Variants in PHACTR2 observed in about 807,000 individuals in gnomAD.
The protein encoded by PHACTR2 is chromosome 6 open reading frame 56.
In PHACTR2, 30 loss-of-function variants were observed where a neutral mutation model predicts 76.0. The ratio of observed to expected loss-of-function variants is 0.39; its 90% CI spans 0.30 to 0.54. The LOEUF is 0.54. Among genes scored for constraint, PHACTR2 ranks in the 20% least tolerant of loss-of-function variants. The pLI is 0.61. For missense variants in PHACTR2, 696 were observed against 781.1 expected (o/e 0.89, Z 1.30); for synonymous variants, 292 against 292.5 (o/e 1.00, Z 0.02).
At chr6:143,703,156 TAAAAAAA>T (rs57738495) in intron 1 of PHACTR2, among the ~76,000 whole-genome samples, 1 of 91,152 alleles carries the variant, frequency 1.1e-5, no homozygotes, top group Admixed American at 1.3e-4. Flanking sequence ...AAAAAATTAC[TAAAAAAA>T]AAAAAAAAAA....
Position 143,764,334 on chromosome 6 carries a change from A to G in PHACTR2, c.695-927A>G, listed in dbSNP as rs1779505229. ...CAGGAGTTCAAGACCAGCCTGGGCA[A>G]CATGACAAAACCCTGTCTCAACAAA... On this transcript the variant is annotated intron_variant, in intron 5 of 12. Coordinates refer to ENST00000440869, the MANE Select transcript of PHACTR2 (RefSeq NM_001100164.2). This position sits in a 1 kb window ranked among gnomAD's most constrained non-coding sequence, Gnocchi z 4.7. Among the ~76,000 whole-genome samples the G allele has an allele frequency of 6.6e-6, 1 of 152,082 alleles. No homozygotes were observed. Among genetic ancestry groups the G allele is most frequent in the Non-Finnish European group, 1.5e-5 (1 of 68,000 alleles).
Position 143,754,454 on chromosome 6 carries a change from G to A in PHACTR2, c.454+542G>A, listed in dbSNP as rs1292088406. ...GCTCCCAGAGATGCCACGGACTGTGGTTGCTCTGCTGGCTGATTCCCACAG... is the reference window on the plus strand; with the variant it reads ...GCTCCCAGAGATGCCACGGACTGTGATTGCTCTGCTGGCTGATTCCCACAG... On this transcript the variant is annotated intron_variant, in intron 4 of 12. Transcript: ENST00000440869. The surrounding 1 kb of genome is among the most constrained non-coding windows in gnomAD (Gnocchi z 6.2). 6.6e-6 allele frequency among the ~76,000 whole-genome samples: 1 copy of A among 152,210 alleles called. No individual in the cohort carries two copies. The highest frequency in any genetic ancestry group is 1.9e-4 in the East Asian group (1 of 5,196).
At position 143,823,566 on chromosome 6, in the gene PHACTR2, A is replaced by G. The variant is rs960863208; in HGVS notation, c.1923-108A>G. The stretch of plus-strand genomic sequence containing the variant: ...TTGTAAACAGTAATTCAGTTGGGGG[A>G]TATCTGGGGTACCTTTTCATTGTAA... On this transcript the variant is annotated intron_variant, in intron 12 of 12. Transcript: ENST00000440869. This position sits in a 1 kb window ranked among gnomAD's most constrained non-coding sequence, Gnocchi z 5.7. 3 of 726,586 alleles carry G rather than the reference A, an allele frequency of 4.1e-6. No individual in the cohort carries two copies. The highest frequency in any genetic ancestry group is 7.4e-6 in the Non-Finnish European group (3 of 403,596). The allele number at this position is 726,586 out of a possible 1,614,324, so 45.0% of individuals were successfully genotyped here.
rs1298995194 is a variant in PHACTR2, at chr6:143,633,304, C to T, written c.13+24982C>T. On this transcript the variant is annotated intron_variant, in intron 1 of 11. Transcript: ENST00000305766. This position sits in a 1 kb window ranked among gnomAD's most constrained non-coding sequence, Gnocchi z 4.1. ...CAATGTTCTGGATTTTGACCATTCT[C>T]AAAGATGAGTAGTGGCATCTTGTTG... Among the ~76,000 whole-genome samples, 3 of 152,222 alleles carry T rather than the reference C, an allele frequency of 2.0e-5. No individual in the cohort carries two copies. Among genetic ancestry groups the T allele is most frequent in the African/African-American group, 7.2e-5 (3 of 41,448 alleles).
chr6:143,613,084 C>T (rs1401414039), intron 1 of PHACTR2, among the ~76,000 whole-genome samples: 2 of 152,268 alleles, frequency 1.3e-5, no homozygotes, highest in African/African-American at 4.8e-5. Flanking sequence ...TCACGCCATT[C>T]CCTGGCCTCA....
In PHACTR2 at chr6:143,610,901, CT is replaced by C. The variant is rs988074071; in HGVS notation, c.13+2588del. ...TTTTAGCAATATCTAACATTTTCTTCTTTTTTTTTCAAATGGCTATTTCTTC... is the reference window on the plus strand; with the variant it reads ...TTTTAGCAATATCTAACATTTTCTTCTTTTTTTTCAAATGGCTATTTCTTC... On this transcript the variant is annotated intron_variant, in intron 1 of 11. Coordinates refer to the PHACTR2 transcript ENST00000305766. The surrounding 1 kb of genome is among the most constrained non-coding windows in gnomAD (Gnocchi z 4.9). Among the ~76,000 whole-genome samples, 3 of 151,132 alleles carry C rather than the reference CT, an allele frequency of 2.0e-5. No individual in the cohort carries two copies. Among genetic ancestry groups the C allele is most frequent in the East Asian group, 3.9e-4 (2 of 5,170 alleles).
rs888749858 is a variant in PHACTR2, at chr6:143,672,157, G to T, written c.14-39859G>T. 6.6e-6 allele frequency among the ~76,000 whole-genome samples: 1 copy of T among 152,086 alleles called. No individual in the cohort carries two copies. Among genetic ancestry groups the T allele is most frequent in the Non-Finnish European group, 1.5e-5 (1 of 68,014 alleles). On this transcript the variant is annotated intron_variant, in intron 1 of 11. Transcript: ENST00000305766. This position sits in a 1 kb window ranked among gnomAD's most constrained non-coding sequence, Gnocchi z 5.8. ...AAGTTTTCTGACACTTGAGTGTGCT[G>T]TTGGTTGGACTACATGTTTATTAAA... is the stretch of plus-strand genomic sequence containing the variant.
chr6:143,682,701 T>A (rs1034172959), intron 1 of PHACTR2, among the ~76,000 whole-genome samples: 1 of 152,204 alleles, frequency 6.6e-6, no homozygotes, highest in Admixed American at 6.5e-5. Flanking sequence ...GAACCTTTAG[T>A]CCAATGTTAA....
At chr6:143,614,295 T>C (rs1776027894) in intron 1 of PHACTR2, among the ~76,000 whole-genome samples, 2 of 152,168 alleles carry the variant, frequency 1.3e-5, no homozygotes, top group Non-Finnish European at 1.5e-5. Context: ...ATTCCTAAGA[T>C]GGAATACAGA....
In PHACTR2 at chr6:143,639,993, G is replaced by C. The variant is rs1776534916; in HGVS notation, c.13+31671G>C. On this transcript the variant is annotated intron_variant, in intron 1 of 11. Transcript: ENST00000305766. This position sits in a 1 kb window ranked among gnomAD's most constrained non-coding sequence, Gnocchi z 5.0. ...CTACATAATGATGTTTCTGCCAACA[G>C]TGGGCCACATATATGATGGTAATTC... 6.6e-6 allele frequency among the ~76,000 whole-genome samples: 1 copy of C among 152,176 alleles called. No individual in the cohort carries two copies. The highest frequency in any genetic ancestry group is 2.4e-5 in the African/African-American group (1 of 41,450).
intron 7 of PHACTR2, among the ~76,000 whole-genome samples, chr6:143,773,294 C>A (rs1775196513): frequency 6.6e-6 from 1 of 151,876 alleles, no homozygotes; most frequent in Non-Finnish European, 1.5e-5. Flanking sequence ...AGATAGTAGG[C>A]CTTCTAGGAA....
At position 143,678,217 on chromosome 6, in the gene PHACTR2, C is replaced by T. The variant is rs1265482143; in HGVS notation, c.46+8C>T. On this transcript the variant is annotated splice_region_variant and intron_variant, in intron 1 of 12. Coordinates refer to ENST00000440869, the MANE Select transcript of PHACTR2 (RefSeq NM_001100164.2). This position sits in a 1 kb window ranked among gnomAD's most constrained non-coding sequence, Gnocchi z 6.2. ...CCCCGCAGCCCGGCAGCGGTGAGTC[C>T]GGGGCGCACGCGATGCGCTCCCGCC... 5 of 1,499,474 alleles carry T rather than the reference C, an allele frequency of 3.3e-6. No individual in the cohort carries two copies. The highest frequency in any genetic ancestry group is 4.4e-6 in the Non-Finnish European group (5 of 1,124,994). The allele number at this position is 1,499,474 out of a possible 1,614,324, so 92.9% of individuals were successfully genotyped here. A position where few individuals can be genotyped will look rare whatever the true frequency, so the allele number is the denominator to read the frequency against.
rs1025522382 is a variant in PHACTR2, at chr6:143,810,643, A to G, written c.1922+3510A>G. The G allele has an allele frequency of 1.5e-4, 64 of 414,714 alleles. No individual in the cohort carries two copies. The Admixed American group carries it at 1.8e-3, about 12-fold the overall frequency. 25.7% of individuals were successfully genotyped at this position (414,714 alleles called of 1,614,324 possible). On this transcript the variant is annotated intron_variant, in intron 12 of 12. Transcript: ENST00000440869. ...CCAGGAGTTCTCTACCAGCCTGGTC[A>G]ACATAGTGAGACCCCATCTCTAGAA...
chr6:143,766,463 A>G (rs182382718), intron 6 of PHACTR2, among the ~76,000 whole-genome samples: 1 of 152,364 alleles, frequency 6.6e-6, no homozygotes, highest in East Asian at 1.9e-4. Context: ...TGAATTGTTG[A>G]AAGAAAATAA....
rs1045642203 is a variant in PHACTR2 at position 143,617,050 on chromosome 6, T to A, written c.13+8728T>A. Among the ~76,000 whole-genome samples, 17 of 152,158 alleles carry A rather than the reference T, an allele frequency of 1.1e-4. No homozygotes were observed. The highest frequency in any genetic ancestry group is 1.3e-4 in the Non-Finnish European group (9 of 68,020). On this transcript the variant is annotated intron_variant, in intron 1 of 11. Coordinates refer to the PHACTR2 transcript ENST00000305766. This position sits in a 1 kb window ranked among gnomAD's most constrained non-coding sequence, Gnocchi z 4.8. ...AGCTTTCAGGAGCCTTTGAAGGGTT[T>A]TACGAGACTGGGAAGAATGGACTGG...
rs1375652079 is a variant in PHACTR2 at position 143,754,776 on chromosome 6, A to T, written c.454+864A>T. Among the ~76,000 whole-genome samples the T allele has an allele frequency of 6.6e-6, 1 of 152,222 alleles. No homozygotes were observed. The highest frequency in any genetic ancestry group is 2.4e-5 in the African/African-American group (1 of 41,450). ...CCATGCAGCATAGAAAGGAATCTTTAGGAAATATACTATTTCCTATTTTAT... is the reference window on the plus strand; with the variant it reads ...CCATGCAGCATAGAAAGGAATCTTTTGGAAATATACTATTTCCTATTTTAT... On this transcript the variant is annotated intron_variant, in intron 4 of 12. Transcript: ENST00000440869. This position sits in a 1 kb window ranked among gnomAD's most constrained non-coding sequence, Gnocchi z 6.2.
At chr6:143,705,177 G>A (rs1778019699) in intron 1 of PHACTR2, among the ~76,000 whole-genome samples, 1 of 151,756 alleles carries the variant, frequency 6.6e-6, no homozygotes, top group Non-Finnish European at 1.5e-5. Context: ...GGAGTAAAGT[G>A]GCGCGATCTT....
In PHACTR2 at chr6:143,678,341, G is replaced by T; in HGVS notation, c.46+132G>T. 1.3e-6 allele frequency: 1 copy of T among 772,456 alleles called. No individual in the cohort carries two copies. Among genetic ancestry groups the T allele is most frequent in the Non-Finnish European group, 1.9e-6 (1 of 536,184 alleles). 47.9% of individuals were successfully genotyped at this position (772,456 alleles called of 1,614,324 possible). On this transcript the variant is annotated intron_variant, in intron 1 of 12. Coordinates refer to ENST00000440869, the MANE Select transcript of PHACTR2 (RefSeq NM_001100164.2). The surrounding 1 kb of genome is among the most constrained non-coding windows in gnomAD (Gnocchi z 6.2). ...CGCCAAGTCCCTCGGAGAAACCCCA[G>T]AGGTAGCGCTCGCCAAACTCTTTGT...
intron 1 of PHACTR2, among the ~76,000 whole-genome samples, chr6:143,702,332 CT>C (rs766306349): frequency 6.6e-6 from 1 of 152,138 alleles, no homozygotes; most frequent in Non-Finnish European, 1.5e-5. Context: ...TGGTCTCGAT[CT>C]CTTGACCTTG....
Sources: allele counts gnomAD v4.1 joint callset (sites outside exome capture counted in the v4.1 genomes callset), GRCh38; gene constraint gnomAD v4.1.1; non-coding constraint Gnocchi (gnomAD v3.1); transcripts MANE v1.5; gene names NCBI Gene and HGNC (gene_info 2026-07-23, HGNC 2026-07-21).